Variants in ANKS1B observed in about 807,000 individuals in gnomAD.
ANKS1B encodes the protein ankyrin repeat and sterile alpha motif domain-containing protein 1B.
A neutral mutation model predicts 148.3 loss-of-function variants in ANKS1B; 36 were observed. That is an observed-to-expected ratio of 0.24 (90% CI 0.19 to 0.32). ANKS1B has a LOEUF of 0.32. Ranked by LOEUF, ANKS1B falls within the 10% of genes least tolerant of loss-of-function variation. The probability of loss-of-function intolerance (pLI) is 1.00; values close to 1 mark genes in which losing one functional copy is unlikely to be tolerated. For missense variants in ANKS1B, 1,157 were observed against 1,542.6 expected (o/e 0.75, Z 4.19); for synonymous variants, 542 against 560.8 (o/e 0.97, Z 0.47).
intron 9 of ANKS1B, among the ~76,000 whole-genome samples, chr12:99,535,725 G>A (rs1381990573): frequency 6.6e-6 from 1 of 151,968 alleles, no homozygotes; most frequent in Non-Finnish European, 1.5e-5. Flanking sequence ...TATTTTAAAA[G>A]CCAGTGAAGA....
chr12:99,220,449 CTT>C (rs5800380), intron 14 of ANKS1B, among the ~76,000 whole-genome samples: 13 of 112,710 alleles, frequency 1.2e-4, no homozygotes, highest in East Asian at 2.4e-4. Flanking sequence ...AGTAGCATTT[CTT>C]TTTTTTTTTT....
intron 10 of ANKS1B, among the ~76,000 whole-genome samples, chr12:99,478,337 T>A (rs2096358481): frequency 1.3e-5 from 2 of 152,132 alleles, no homozygotes. Context: ...AATTTCCCTA[T>A]CATATTTCTC....
chr12:99,907,064 C>A (rs1189924115), intron 1 of ANKS1B, among the ~76,000 whole-genome samples: 2 of 152,160 alleles, frequency 1.3e-5, no homozygotes, highest in African/African-American at 4.8e-5. Context: ...AGGACAAGAA[C>A]AGGCATTAAA....
intron 15 of ANKS1B, among the ~76,000 whole-genome samples, chr12:99,086,381 G>A (rs2051809645): frequency 6.6e-6 from 1 of 152,178 alleles, no homozygotes; most frequent in Admixed American, 6.6e-5. Context: ...AATATGGAGA[G>A]AGGAGCAAAC....
intron 17 of ANKS1B, among the ~76,000 whole-genome samples, chr12:98,916,416 C>T (rs1259395425): frequency 6.6e-6 from 1 of 152,236 alleles, no homozygotes; most frequent in Non-Finnish European, 1.5e-5. Context: ...AGGCGGCAGT[C>T]TATCCAACAC....
chr12:98,830,548 G>A (rs1184288772), intron 18 of ANKS1B, among the ~76,000 whole-genome samples: 1 of 152,106 alleles, frequency 6.6e-6, no homozygotes, highest in Non-Finnish European at 1.5e-5. Flanking sequence ...TTCCTGTCCT[G>A]CCCTCTGTTA....
chr12:99,695,081 G>GA (rs397937271), intron 8 of ANKS1B, among the ~76,000 whole-genome samples: 3 of 152,052 alleles, frequency 2.0e-5, no homozygotes, highest in Non-Finnish European at 4.4e-5. Flanking sequence ...AAGTGGGGGG[G>GA]AAATAGTGCT....
chr12:99,619,893 C>T (rs190643786), intron 9 of ANKS1B, among the ~76,000 whole-genome samples: 1 of 152,260 alleles, frequency 6.6e-6, no homozygotes, highest in African/African-American at 2.4e-5. Flanking sequence ...CCTGCCTGTT[C>T]CAGTACCATC....
At chr12:99,691,072 C>T (rs758396520) in intron 8 of ANKS1B, among the ~76,000 whole-genome samples, 9 of 152,250 alleles carry the variant, frequency 5.9e-5, no homozygotes, top group African/African-American at 2.2e-4. Flanking sequence ...AGGCTTGGGG[C>T]TTGCACCCTC....
chr12:99,768,926 C>T lies in ANKS1B; in HGVS notation c.1128+3996G>A, dbSNP rs151155039. Among the ~76,000 whole-genome samples the T allele has an allele frequency of 2.8e-3, 426 of 151,286 alleles. 6 individuals are homozygous for T. Among genetic ancestry groups the T allele is most frequent in the African/African-American group, 9.3e-3 (383 of 41,242 alleles). On this transcript the variant is annotated intron_variant, in intron 8 of 26. Coordinates refer to ENST00000683438, the MANE Select transcript of ANKS1B (RefSeq NM_001352186.2). ...CAACCAGAAGACAGCCCTCTGCAAA[C>T]CAGGAAGCAGGCCTTCACCAGCTAC...
rs926750962 is a variant in ANKS1B, at chr12:99,030,799, C to T, written c.2778+22358G>A. Among the ~76,000 whole-genome samples the T allele has an allele frequency of 9.9e-5, 15 of 152,188 alleles. No homozygotes were observed. In the East Asian group the frequency reaches 1.3e-3, roughly 14 times the overall value. ...ACAGTAAGTAGATGTAAATGATTAT[C>T]GAACTGAATTGATCAGACCCTACCA... On this transcript the variant is annotated intron_variant, in intron 17 of 26. Transcript: ENST00000683438.
intron 11 of ANKS1B, among the ~76,000 whole-genome samples, chr12:99,403,420 G>T (rs1391677479): frequency 6.9e-6 from 1 of 144,094 alleles, no homozygotes; most frequent in Non-Finnish European, 1.5e-5. Flanking sequence ...TCCTCCCAAA[G>T]TGCTGGGATT....
intron 11 of ANKS1B, among the ~76,000 whole-genome samples, chr12:99,408,975 C>G (rs2094598630): frequency 8.9e-6 from 1 of 111,922 alleles, no homozygotes; most frequent in African/African-American, 3.8e-5. Context: ...AGAAATAGAA[C>G]TACCATATGA....
chr12:99,334,227 T>C (rs371837618), intron 12 of ANKS1B, among the ~76,000 whole-genome samples: 9 of 152,034 alleles, frequency 5.9e-5, no homozygotes, highest in African/African-American at 1.9e-4. Flanking sequence ...CATAGAAAGA[T>C]AGAAGCACAG....
intron 10 of ANKS1B, among the ~76,000 whole-genome samples, chr12:99,492,634 G>A (rs2096566451): frequency 1.3e-5 from 2 of 152,098 alleles, no homozygotes; most frequent in Non-Finnish European, 2.9e-5. Flanking sequence ...GATTAACATT[G>A]ATGCAAAAAT....
intron 1 of ANKS1B, among the ~76,000 whole-genome samples, chr12:99,917,448 TC>T (rs1445209318): frequency 6.6e-6 from 1 of 152,202 alleles, no homozygotes; most frequent in Non-Finnish European, 1.5e-5. Flanking sequence ...CCAAGGGTAA[TC>T]TAGCTATTGA....
intron 9 of ANKS1B, among the ~76,000 whole-genome samples, chr12:99,636,452 C>T (rs1255817945): frequency 6.6e-6 from 1 of 152,114 alleles, no homozygotes; most frequent in Non-Finnish European, 1.5e-5. Context: ...TAACTCATAC[C>T]TCAGTGAAGC....
chr12:99,565,150 G>T (rs2097375136), intron 9 of ANKS1B, among the ~76,000 whole-genome samples: 1 of 152,118 alleles, frequency 6.6e-6, no homozygotes, highest in Non-Finnish European at 1.5e-5. Flanking sequence ...TTCTAATTCA[G>T]TCTAATAAAG....
intron 17 of ANKS1B, among the ~76,000 whole-genome samples, chr12:98,922,551 T>C (rs949421096): frequency 6.6e-6 from 1 of 152,178 alleles, no homozygotes; most frequent in African/African-American, 2.4e-5. Context: ...CAGGCTGGAG[T>C]GCAGTGGCAC....
Sources: gnomAD v4.1 joint callset for allele counts (sites outside exome capture counted in the v4.1 genomes callset) on GRCh38, gnomAD v4.1.1 for gene constraint, MANE v1.5 for transcripts, NCBI Gene and HGNC (gene_info 2026-07-23, HGNC 2026-07-21) for gene names.